DIAPH3: variants seen among roughly 807,000 people sequenced by gnomAD.
The protein encoded by DIAPH3 is diaphanous related formin 3.
A neutral mutation model predicts 144.3 loss-of-function variants in DIAPH3; 117 were observed. The observed-to-expected ratio is 0.81, with a 90% CI of 0.70 to 0.95. The LOEUF (loss-of-function observed/expected upper bound fraction) is 0.95. Among genes scored for constraint, DIAPH3 ranks in the 40% least tolerant of loss-of-function variants. The probability of loss-of-function intolerance (pLI) is 0.00; values close to 1 mark genes in which losing one functional copy is unlikely to be tolerated. For synonymous variants in DIAPH3, 519 were observed against 488.9 expected (o/e 1.06, Z -0.81); for missense variants, 1,421 against 1,412.7 (o/e 1.01, Z -0.09).
At chr13:60,083,342 C>A (rs1325689700) in intron 4 of DIAPH3, among the ~76,000 whole-genome samples, 1 of 151,962 alleles carries the variant, frequency 6.6e-6, no homozygotes, top group Non-Finnish European at 1.5e-5. Context: ...ATATCACTGG[C>A]TAACCAAACA....
intron 20 of DIAPH3, among the ~76,000 whole-genome samples, chr13:59,896,606 G>A (rs912044519): frequency 1.3e-5 from 2 of 151,736 alleles, no homozygotes; most frequent in Non-Finnish European, 2.9e-5. Context: ...TGGAGGCAGG[G>A]GGGTCGGTCC....
intron 4 of DIAPH3, among the ~76,000 whole-genome samples, chr13:60,059,386 T>G (rs962463407): frequency 2.0e-5 from 3 of 151,982 alleles, no homozygotes; most frequent in Admixed American, 6.6e-5. Context: ...ATCTTAAAAG[T>G]ACTAAACAAC....
intron 22 of DIAPH3, among the ~76,000 whole-genome samples, chr13:59,860,557 T>C (rs954743693): frequency 9.9e-5 from 15 of 152,062 alleles, no homozygotes; most frequent in African/African-American, 3.4e-4. Flanking sequence ...GCTAACATGG[T>C]GAAACCCCGT....
intron 20 of DIAPH3, among the ~76,000 whole-genome samples, chr13:59,881,282 G>A (rs2045025042): frequency 6.6e-6 from 1 of 151,994 alleles, no homozygotes; most frequent in Admixed American, 6.6e-5. Flanking sequence ...ATGTCCTTTA[G>A]AGCAGTCAGA....
intron 27 of DIAPH3, among the ~76,000 whole-genome samples, chr13:59,679,696 A>G (rs530964315): frequency 6.6e-6 from 1 of 152,334 alleles, no homozygotes; most frequent in Non-Finnish European, 1.5e-5. Flanking sequence ...CAGAAGCCTT[A>G]AAGTATGTGG....
At chr13:59,965,084 T>C (rs1338485642) in intron 17 of DIAPH3, among the ~76,000 whole-genome samples, 3 of 152,166 alleles carry the variant, frequency 2.0e-5, no homozygotes, top group African/African-American at 7.2e-5. Context: ...ATGCAACATC[T>C]TGAACACCGC....
At chr13:59,916,289 G>T (rs368451274) in intron 18 of DIAPH3, 40 bp from the exon 19 acceptor site, 3 of 1,450,428 alleles carry the variant, frequency 2.1e-6, no homozygotes, top group Admixed American at 3.4e-5. Flanking sequence ...AATGAATAAG[G>T]TTTAAAAAAG....
At chr13:59,959,518 TA>T (rs2049618465) in intron 17 of DIAPH3, among the ~76,000 whole-genome samples, 1 of 152,162 alleles carries the variant, frequency 6.6e-6, no homozygotes, top group South Asian at 2.1e-4. Flanking sequence ...TGTGAGTCTT[TA>T]AAAGAACCTT....
chr13:59,807,174 C>T (rs990223017), intron 25 of DIAPH3, among the ~76,000 whole-genome samples: 1 of 149,946 alleles, frequency 6.7e-6, no homozygotes, highest in African/African-American at 2.4e-5. Flanking sequence ...ATGCTTTGTT[C>T]TTCTACATTA....
intron 17 of DIAPH3, among the ~76,000 whole-genome samples, chr13:59,927,306 C>T (rs900483078): frequency 6.6e-6 from 1 of 152,144 alleles, no homozygotes; most frequent in Non-Finnish European, 1.5e-5. Context: ...AGAGAATTTA[C>T]ACTACTTATA....
chr13:59,669,365 C>A (rs995728361), intron 27 of DIAPH3, among the ~76,000 whole-genome samples: 21 of 152,150 alleles, frequency 1.4e-4, no homozygotes, highest in Admixed American at 1.4e-3. Flanking sequence ...TGCTCCACAC[C>A]TTCTCCACTC....
intron 24 of DIAPH3, among the ~76,000 whole-genome samples, chr13:59,822,577 A>C (rs1045894675): frequency 1.1e-4 from 17 of 152,024 alleles, no homozygotes; most frequent in Non-Finnish European, 2.4e-4. Context: ...AGTAGCTGGG[A>C]CTACAGGTGT....
At chr13:59,706,226 T>G (rs1175642564) in intron 27 of DIAPH3, among the ~76,000 whole-genome samples, 2 of 152,168 alleles carry the variant, frequency 1.3e-5, no homozygotes, top group African/African-American at 4.8e-5. Context: ...AGTCTGCACG[T>G]GTTTAGTACA....
intron 9 of DIAPH3, among the ~76,000 whole-genome samples, chr13:60,004,089 G>GT (rs1357698557): frequency 6.6e-6 from 1 of 152,082 alleles, no homozygotes; most frequent in Non-Finnish European, 1.5e-5. Flanking sequence ...ATACTTTGCA[G>GT]TAAAAGAATA....
chr13:59,821,468 T>C (rs2041070029), intron 24 of DIAPH3, among the ~76,000 whole-genome samples: 1 of 152,110 alleles, frequency 6.6e-6, no homozygotes, highest in Admixed American at 6.6e-5. Context: ...TCATACATAT[T>C]CCTGTAGTGG....
chr13:60,141,998 G>T (rs1432114610), intron 1 of DIAPH3, among the ~76,000 whole-genome samples: 2 of 152,212 alleles, frequency 1.3e-5, no homozygotes, highest in Non-Finnish European at 2.9e-5. Context: ...TAACAAGGCT[G>T]TCAGGAGGAG....
At chr13:60,138,536 A>G (rs2059347576) in intron 1 of DIAPH3, among the ~76,000 whole-genome samples, 1 of 152,248 alleles carries the variant, frequency 6.6e-6, no homozygotes, top group Admixed American at 6.5e-5. Flanking sequence ...AGTGAAAGGT[A>G]CCAATTAGCA....
At chr13:59,976,744 TCACCATGCATA>T (rs1436935319) in intron 14 of DIAPH3, among the ~76,000 whole-genome samples, 57 of 151,834 alleles carry the variant, frequency 3.8e-4, no homozygotes, top group Non-Finnish European at 1.0e-4. Context: ...CATGTTTAAA[TCACCATGCATA>T]CACTGATGGC....
intron 4 of DIAPH3, among the ~76,000 whole-genome samples, chr13:60,086,673 A>T (rs576397880): frequency 6.6e-6 from 1 of 152,242 alleles, no homozygotes; most frequent in South Asian, 2.1e-4. Context: ...TCTAGTGGTT[A>T]AAATATAAGC....
Sources: allele counts gnomAD v4.1 joint callset (sites outside exome capture counted in the v4.1 genomes callset), GRCh38; gene constraint gnomAD v4.1.1; transcripts MANE v1.5; gene names NCBI Gene and HGNC (gene_info 2026-07-23, HGNC 2026-07-21).